The following RHOU variants were observed in gnomAD, a reference collection of about 807,000 sequenced individuals.
RHOU encodes ras homolog family member U.
A neutral mutation model predicts 12.6 loss-of-function variants in RHOU; 8 were observed. The observed-to-expected ratio is 0.64, with a 90% confidence interval of 0.37 to 1.15. The LOEUF is 1.15. Among genes scored for constraint, RHOU ranks in the 50% most tolerant of loss-of-function variants. The probability of loss-of-function intolerance (pLI) is 0.01; values close to 1 mark genes in which losing one functional copy is unlikely to be tolerated. For synonymous variants in RHOU, 161 were observed against 147.4 expected, an observed-to-expected ratio of 1.09 and a Z score of -0.67; for missense variants, 258 against 347.0, an observed-to-expected ratio of 0.74 and a Z score of 2.04.
chr1:228,735,430 C>A (rs1029969280), upstream of RHOU: 16 of 191,610 alleles, frequency 8.4e-5, no homozygotes, highest in Non-Finnish European at 1.6e-4. The surrounding 1 kb of genome is among the most constrained non-coding windows in gnomAD (Gnocchi z 8.1). Context: ...CCAGCCCGCC[C>A]GCCTGCCCGC....
At chr1:228,700,739 C>T in the RHOU span, among the ~76,000 whole-genome samples, 1 of 152,050 alleles carries the variant, frequency 6.6e-6, no homozygotes, top group African/African-American at 2.4e-5. Context: ...AAAAATATAA[C>T]TCAAAGAAAG....
the RHOU span, among the ~76,000 whole-genome samples, chr1:228,668,730 C>T: frequency 1.3e-5 from 2 of 152,216 alleles, no homozygotes; most frequent in Non-Finnish European, 2.9e-5. Flanking sequence ...TCTGGCTGCT[C>T]GCCCAGCCCT....
the RHOU span, among the ~76,000 whole-genome samples, chr1:228,713,835 C>T: frequency 2.0e-5 from 3 of 152,076 alleles, no homozygotes; most frequent in African/African-American, 7.2e-5. Flanking sequence ...TGGGATCTGA[C>T]CCTATCTCCA....
the RHOU span, among the ~76,000 whole-genome samples, chr1:228,724,895 A>C: frequency 6.6e-6 from 1 of 152,198 alleles, no homozygotes; most frequent in Admixed American, 6.5e-5. Flanking sequence ...ACCCATTGAT[A>C]GTAAAGACAC....
the RHOU span, among the ~76,000 whole-genome samples, chr1:228,719,587 G>A: frequency 1.5e-3 from 228 of 152,138 alleles, 1 homozygote; most frequent in African/African-American, 5.2e-3. Context: ...AAAATTAGCC[G>A]GGCATGGTGG....
chr1:228,743,021 T>C lies in RHOU; in HGVS notation c.322-264T>C. On this transcript the variant is annotated intron_variant, in intron 2 of 2. Coordinates refer to ENST00000366691, the MANE Select transcript of RHOU (RefSeq NM_021205.6). This position sits in a 1 kb window ranked among gnomAD's most constrained non-coding sequence, Gnocchi z 5.1. The stretch of plus-strand genomic sequence containing the variant: ...TTCTATGTTAAGCTGTAAGTAGGTC[T>C]TGAGTGTCGATGAACACGTTGAACA... Among the ~76,000 whole-genome samples, 1 of 152,178 alleles carries C rather than the reference T, an allele frequency of 6.6e-6. No homozygotes were observed. Among genetic ancestry groups the C allele is most frequent in the Non-Finnish European group, 1.5e-5 (1 of 68,026 alleles).
chr1:228,681,898 C>T, the RHOU span, among the ~76,000 whole-genome samples: 1 of 152,022 alleles, frequency 6.6e-6, no homozygotes, highest in African/African-American at 2.4e-5. Flanking sequence ...TGTGGGTGAG[C>T]AGCCAAAGCA....
chr1:228,673,620 C>G, the RHOU span, among the ~76,000 whole-genome samples: 1 of 152,138 alleles, frequency 6.6e-6, no homozygotes, highest in Non-Finnish European at 1.5e-5. Context: ...AGCACCTTCC[C>G]CTTCACTCTC....
At chr1:228,647,650 C>T in the RHOU span, among the ~76,000 whole-genome samples, 3 of 152,190 alleles carry the variant, frequency 2.0e-5, no homozygotes, top group Non-Finnish European at 4.4e-5. Flanking sequence ...AGCGGGAAGG[C>T]ACCGCGAACG....
chr1:228,650,424 G>C, the RHOU span: 1 of 456,876 alleles, frequency 2.2e-6, no homozygotes, highest in Admixed American at 2.3e-5. Flanking sequence ...TGTGGGGTCA[G>C]CGTGCTACTT....
the RHOU span, among the ~76,000 whole-genome samples, chr1:228,726,535 C>T: frequency 5.9e-5 from 9 of 152,062 alleles, no homozygotes; most frequent in East Asian, 3.9e-4. Flanking sequence ...CGTGGTGGCA[C>T]GCGCCTGTAA....
chr1:228,740,452 A>C (rs16848862), intron 2 of RHOU, among the ~76,000 whole-genome samples: 76,250 of 152,032 alleles, frequency 0.5, 20,842 homozygotes, highest in African/African-American at 0.74. Context: ...ATGAAAAATA[A>C]GCTGCTGGTA....
chr1:228,661,604 G>A, the RHOU span, among the ~76,000 whole-genome samples: 1 of 152,174 alleles, frequency 6.6e-6, no homozygotes, highest in East Asian at 1.9e-4. Flanking sequence ...AATAAATGGT[G>A]CTGGGAAAAC....
At chr1:228,646,792 G>T in the RHOU span, among the ~76,000 whole-genome samples, 681 of 152,092 alleles carry the variant, frequency 4.5e-3, 16 homozygotes, top group Admixed American at 0.04. Flanking sequence ...GAGCACGGGT[G>T]CGCAGACGCA....
chr1:228,686,011 A>G, the RHOU span, among the ~76,000 whole-genome samples: 1 of 152,216 alleles, frequency 6.6e-6, no homozygotes, highest in Admixed American at 6.5e-5. Flanking sequence ...TTATATGAAG[A>G]TGAAATAAAA....
At chr1:228,731,714 C>T (rs970496182), upstream of RHOU, among the ~76,000 whole-genome samples, 1 of 151,894 alleles carries the variant, frequency 6.6e-6, no homozygotes, top group African/African-American at 2.4e-5. Context: ...GAGGAGAAGA[C>T]ACCTTCTCTG....
chr1:228,686,103 G>A, the RHOU span, among the ~76,000 whole-genome samples: 1 of 152,138 alleles, frequency 6.6e-6, no homozygotes, highest in Admixed American at 6.5e-5. Context: ...TTGCTTATAG[G>A]GTTGTGTTAT....
chr1:228,677,144 G>A, the RHOU span, among the ~76,000 whole-genome samples: 1 of 152,192 alleles, frequency 6.6e-6, no homozygotes, highest in African/African-American at 2.4e-5. Flanking sequence ...CCTACAGTGG[G>A]AGAGACCCAA....
chr1:228,683,745 G>T, the RHOU span, among the ~76,000 whole-genome samples: 9 of 152,242 alleles, frequency 5.9e-5, no homozygotes, highest in Admixed American at 5.9e-4. Context: ...GCCAATATGA[G>T]TGATGGCAGC....
Sources: allele counts gnomAD v4.1 joint callset (sites outside exome capture counted in the v4.1 genomes callset), GRCh38; gene constraint gnomAD v4.1.1; non-coding constraint Gnocchi (gnomAD v3.1); transcripts MANE v1.5; gene names NCBI Gene and HGNC (gene_info 2026-07-23, HGNC 2026-07-21).